The following COL17A1 variants were observed in gnomAD, a reference collection of about 807,000 sequenced individuals.
COL17A1 encodes the protein collagen type XVII alpha 1 chain.
In COL17A1, 181 loss-of-function variants were observed where a neutral mutation model predicts 218.4. The observed-to-expected ratio is 0.83, with a 90% confidence interval of 0.73 to 0.94. The LOEUF (loss-of-function observed/expected upper bound fraction) is 0.94. Ranked by LOEUF, COL17A1 falls within the 40% of genes least tolerant of loss-of-function variation. COL17A1 has a pLI of 0.00. For synonymous variants in COL17A1, 721 were observed against 731.0 expected, an observed-to-expected ratio of 0.99 and a Z score of 0.22; for missense variants, 1,924 against 1,945.9, an observed-to-expected ratio of 0.99 and a Z score of 0.21.
rs531274313 is a variant in COL17A1 at position 104,080,824 on chromosome 10, G to C, written c.-11-140C>G. 1.7e-4 allele frequency: 151 copies of C among 870,198 alleles called. No individual in the cohort carries two copies. In the African/African-American group the frequency reaches 2.3e-3, roughly 13 times the overall value. The allele number at this position is 870,198 out of a possible 1,614,324, so 53.9% of individuals were successfully genotyped here. On this transcript the variant is annotated intron_variant, in intron 1 of 55. Transcript: ENST00000648076. ...ATTCTTTCACGTGAATATTTTTTAT[G>C]AGTCATTCCCATTTCTTGTAACAGG...
At chr10:104,050,160 G>A (rs1446609919) in intron 27 of COL17A1, 36 bp from the exon 28 acceptor site, 3 of 1,613,746 alleles carry the variant, frequency 1.9e-6, no homozygotes, top group East Asian at 2.2e-5. Context: ...AAAAGCCACA[G>A]TTGTGAGCAA....
chr10:104,055,756 G>A, intron 18 of COL17A1, 26 bp downstream of exon 18: 2 of 1,612,870 alleles, frequency 1.2e-6, no homozygotes, highest in Non-Finnish European at 1.7e-6. Flanking sequence ...CAGGGGAGCT[G>A]GCCCTGTGCC....
chr10:104,062,510 A>C lies in COL17A1; in HGVS notation c.839-181T>G, dbSNP rs7923304. On this transcript the variant is annotated intron_variant, in intron 11 of 55. Coordinates refer to ENST00000648076, the MANE Select transcript of COL17A1 (RefSeq NM_000494.4). Reference sequence around the variant, plus strand: ...AATTTGTTAATACCCCCACCTACCTACCCCAGGCCAAATATTACTAACAGT... The same window carrying C: ...AATTTGTTAATACCCCCACCTACCTCCCCCAGGCCAAATATTACTAACAGT... 0.051 allele frequency among the ~76,000 whole-genome samples: 7,807 copies of C among 152,088 alleles called. 634 individuals are homozygous for C. Among genetic ancestry groups the C allele is most frequent in the African/African-American group, 0.17 (7,251 of 41,456 alleles).
chr10:104,073,072 A>C, intron 7 of COL17A1, 138 bp downstream of exon 7: 1 of 812,144 alleles, frequency 1.2e-6, no homozygotes, highest in Non-Finnish European at 2.2e-6. Flanking sequence ...AGGATACTCT[A>C]AGCTCCTCGA....
chr10:104,050,196 G>T, intron 27 of COL17A1, 72 bp from the exon 28 acceptor site: 1 of 1,605,412 alleles, frequency 6.2e-7, no homozygotes, highest in South Asian at 1.1e-5. Context: ...CCAGTAACAG[G>T]GTCCCCGGCT....
At chr10:104,039,762 G>T in intron 41 of COL17A1, 122 bp from the exon 42 acceptor site, 2 of 1,287,264 alleles carry the variant, frequency 1.6e-6, no homozygotes, top group South Asian at 1.2e-5. Context: ...AGTACCTAGA[G>T]ATGCCACACA....
rs753169679 is a variant in COL17A1, at chr10:104,038,467, A to AGGCCCAGGG, written c.3000_3008dup (p.Pro1003_Gly1005dup). The AGGCCCAGGG allele has an allele frequency of 8.1e-6, 13 of 1,613,974 alleles. No homozygotes were observed. Among genetic ancestry groups the AGGCCCAGGG allele is most frequent in the South Asian group, 4.4e-5 (4 of 91,074 alleles). On this transcript the variant is annotated inframe_insertion, in exon 45 of 56. Coordinates refer to ENST00000648076, the MANE Select transcript of COL17A1 (RefSeq NM_000494.4). ...GGCCAGAGCTGCTGATAGAGCCCGG[A>AGGCCCAGGG]GGCCCAGGGGGCCCAGGGGGCCCTG...
intron 9 of COL17A1, among the ~76,000 whole-genome samples, chr10:104,065,151 C>A (rs958499215): frequency 2.0e-5 from 3 of 152,182 alleles, no homozygotes; most frequent in African/African-American, 7.2e-5. Context: ...AGACACTGTG[C>A]CCCCAAGAGA....
chr10:104,037,735 G>A lies in COL17A1; in HGVS notation c.3109C>T (p.Pro1037Ser). The A allele has an allele frequency of 6.2e-7, 1 of 1,614,136 alleles. No individual in the cohort carries two copies. Among genetic ancestry groups the A allele is most frequent in the African/African-American group, 1.3e-5 (1 of 75,020 alleles). The stretch of plus-strand genomic sequence containing the variant: ...CCTGGGGGACCAGGTGGGCCTGGGG[G>A]ACCCTGAACTCCGGATAGGTAAGAT... The part of the protein sequence containing the change: ...IRSYLSGVQG[P>S]PGPPGPPGPV... The change falls in exon 46 of 56, where the codon CCC (proline) becomes TCC (serine). Residue 1037 changes from proline (P) to serine (S), a missense_variant. By Grantham distance (74) the Pro-to-Ser change is moderately conservative (BLOSUM62 -1). Coordinates refer to ENST00000648076, the MANE Select transcript of COL17A1 (RefSeq NM_000494.4).
Position 104,060,315 on chromosome 10 carries a change from A to G in COL17A1, c.980-35T>C, listed in dbSNP as rs1279323679. On this transcript the variant is annotated intron_variant, in intron 13 of 55. Transcript: ENST00000648076. ...AAGAAAATGGGTAAGAAGGAAGGAC[A>G]TGTGCCAGGAGAAGGGAGAGGGGAG... 2.5e-6 allele frequency: 4 copies of G among 1,612,634 alleles called. No homozygotes were observed. In the South Asian group the frequency reaches 3.3e-5, roughly 13 times the overall value.
chr10:104,066,847 AC>A (rs2086630443), intron 9 of COL17A1, among the ~76,000 whole-genome samples: 1 of 152,240 alleles, frequency 6.6e-6, no homozygotes, highest in South Asian at 2.1e-4. Flanking sequence ...TCTAATATGT[AC>A]CCTCTTAGAG....
At chr10:104,040,058 T>C in intron 40 of COL17A1, 59 bp from the exon 41 acceptor site, 2 of 1,593,396 alleles carry the variant, frequency 1.3e-6, no homozygotes, top group Non-Finnish European at 1.7e-6. Context: ...GTGGTTTCAA[T>C]GGGCCCATGG....
intron 31 of COL17A1, 102 bp downstream of exon 31, chr10:104,047,637 C>T (rs952833244): frequency 3.1e-6 from 3 of 967,302 alleles, no homozygotes; most frequent in African/African-American, 3.2e-5. Flanking sequence ...CCCCCACAAC[C>T]TGCACACCTG....
intron 2 of COL17A1, among the ~76,000 whole-genome samples, chr10:104,079,100 T>A (rs1477277530): frequency 6.6e-6 from 1 of 152,174 alleles, no homozygotes; most frequent in African/African-American, 2.4e-5. Flanking sequence ...TGTGGGGAGT[T>A]GTGGGAAGGA....
intron 9 of COL17A1, among the ~76,000 whole-genome samples, chr10:104,065,880 C>T (rs762766055): frequency 1.1e-4 from 16 of 152,228 alleles, no homozygotes; most frequent in Admixed American, 6.5e-4. Flanking sequence ...GCCTTTTCTC[C>T]TGAAGGAAAT....
In COL17A1 at chr10:104,041,520, C is replaced by G; in HGVS notation, c.2570G>C (p.Gly857Ala). The G allele has an allele frequency of 1.2e-6, 2 of 1,613,384 alleles. No individual in the cohort carries two copies. The highest frequency in any genetic ancestry group is 1.7e-6 in the Non-Finnish European group (2 of 1,179,370). ...GCGTGGGCCGGGTGGGCCTGGGGGA[C>G]CTTGTAAATTAAGAACTTCTATAGA... is the stretch of plus-strand genomic sequence containing the variant. ...PGHQEVLNLQGPPGPPGPRGP... is the reference protein window; with the variant it reads ...PGHQEVLNLQAPPGPPGPRGP... Residue 857 changes from glycine (G) to alanine (A), a missense_variant, in exon 37 of 56, where the codon GGT becomes GCT. Gly to Ala is a moderately conservative substitution (Grantham distance 60). Coordinates refer to ENST00000648076, the MANE Select transcript of COL17A1 (RefSeq NM_000494.4).
chr10:104,078,670 G>T, intron 2 of COL17A1, 84 bp from the exon 3 acceptor site: 1 of 1,566,410 alleles, frequency 6.4e-7, no homozygotes, highest in Non-Finnish European at 8.8e-7. Flanking sequence ...TCTGTCACAG[G>T]CTAAGCATAT....
chr10:104,045,644 A>G, intron 33 of COL17A1, 114 bp downstream of exon 33: 1 of 913,280 alleles, frequency 1.1e-6, no homozygotes, highest in South Asian at 1.3e-5. Flanking sequence ...TAGAACCACT[A>G]GATGCCACTG....
chr10:104,049,807 G>C (rs1410653835), intron 28 of COL17A1, among the ~76,000 whole-genome samples: 1 of 152,206 alleles, frequency 6.6e-6, no homozygotes, highest in East Asian at 1.9e-4. Flanking sequence ...GCTGCTTCGG[G>C]AAGAGCTTAA....
Sources: allele counts gnomAD v4.1 joint callset (sites outside exome capture counted in the v4.1 genomes callset), GRCh38; gene constraint gnomAD v4.1.1; transcripts MANE v1.5; gene names NCBI Gene and HGNC (gene_info 2026-07-23, HGNC 2026-07-21).